RAB40C: variants seen among roughly 807,000 people sequenced by gnomAD.
RAB40C encodes the protein RAB40C, member RAS oncogene family.
In RAB40C, 8 loss-of-function variants were observed where a neutral mutation model predicts 28.1. That is an observed-to-expected ratio of 0.28 (90% CI 0.17 to 0.51). The LOEUF is 0.51. RAB40C is among the 20% of genes least tolerant of loss of function. RAB40C has a pLI of 0.97. For synonymous variants in RAB40C, 201 were observed against 171.7 expected, an observed-to-expected ratio of 1.17 and a Z score of -1.34; for missense variants, 288 against 405.9, an observed-to-expected ratio of 0.71 and a Z score of 2.50.
At chr16:597,681 G>A (rs967290170) in intron 1 of RAB40C, among the ~76,000 whole-genome samples, 1 of 151,676 alleles carries the variant, frequency 6.6e-6, no homozygotes, top group Non-Finnish European at 1.5e-5. Context: ...AGAGACAGAG[G>A]TTTTGCTGTG....
Position 625,891 on chromosome 16 carries a change from G to A in RAB40C, c.343-8G>A. 6.2e-7 allele frequency: 1 copy of A among 1,609,736 alleles called. No individual in the cohort carries two copies. Among genetic ancestry groups the A allele is most frequent in the Non-Finnish European group, 8.5e-7 (1 of 1,178,116 alleles). ...CGTTTGTGCGTCTGCTGAGTTCTGT[G>A]CCCCCAGCATGCACCCGGAGTCCCC... is the stretch of plus-strand genomic sequence containing the variant. On this transcript the variant is annotated splice_polypyrimidine_tract_variant and splice_region_variant and intron_variant, in intron 4 of 5. Transcript: ENST00000248139.
At chr16:623,492 A>C (rs2036764848) in intron 3 of RAB40C, among the ~76,000 whole-genome samples, 1 of 152,054 alleles carries the variant, frequency 6.6e-6, no homozygotes, top group African/African-American at 2.4e-5. Context: ...TACTAAAAAA[A>C]AATACAAAAA....
At chr16:593,608 G>A (rs1163130372) in intron 1 of RAB40C, among the ~76,000 whole-genome samples, 5 of 152,250 alleles carry the variant, frequency 3.3e-5, no homozygotes, top group Non-Finnish European at 7.3e-5. Context: ...AGACAGGTGT[G>A]TGAGCGTACA....
At chr16:597,793 C>G (rs559372324) in intron 1 of RAB40C, among the ~76,000 whole-genome samples, 1 of 151,904 alleles carries the variant, frequency 6.6e-6, no homozygotes, top group African/African-American at 2.4e-5. Context: ...CCCAGCCCAG[C>G]TCAGCATCTT....
intron 1 of RAB40C, among the ~76,000 whole-genome samples, chr16:598,704 A>G (rs1257691623): frequency 6.6e-6 from 1 of 151,612 alleles, no homozygotes; most frequent in East Asian, 1.9e-4. Context: ...CTGTTGCACT[A>G]CGTTCCAGCC....
intron 1 of RAB40C, 140 bp from the exon 2 acceptor site, chr16:617,068 C>A: frequency 1.2e-6 from 1 of 855,938 alleles, no homozygotes; most frequent in Admixed American, 2.1e-5. Context: ...TTTCCCCCTG[C>A]CCCACTGGCT....
chr16:602,446 T>G (rs2036273358), intron 1 of RAB40C, among the ~76,000 whole-genome samples: 1 of 152,034 alleles, frequency 6.6e-6, no homozygotes, highest in Non-Finnish European at 1.5e-5. Context: ...ATTTTTTTAT[T>G]TTTGAGACAA....
In RAB40C at chr16:610,638, G is replaced by C. The variant is rs1287533715; in HGVS notation, c.143-6570G>C. 6.6e-6 allele frequency among the ~76,000 whole-genome samples: 1 copy of C among 152,174 alleles called. No homozygotes were observed. The highest frequency in any genetic ancestry group is 1.5e-5 in the Non-Finnish European group (1 of 68,026). On this transcript the variant is annotated intron_variant, in intron 1 of 5. Transcript: ENST00000248139. This position sits in a 1 kb window ranked among gnomAD's most constrained non-coding sequence, Gnocchi z 4.6. Reference sequence around the variant, plus strand: ...TTATGGGGTAGTGTTGAGCTCTGCAGCCGGAGCCCACTGCCCCTGCCCCTG... The same window carrying C: ...TTATGGGGTAGTGTTGAGCTCTGCACCCGGAGCCCACTGCCCCTGCCCCTG...
chr16:594,156 C>T (rs1366081299), intron 1 of RAB40C, among the ~76,000 whole-genome samples: 2 of 152,216 alleles, frequency 1.3e-5, no homozygotes, highest in African/African-American at 4.8e-5. Flanking sequence ...CCCCACAAAC[C>T]TTCCTGGGAG....
At chr16:603,769 C>G (rs1005398612) in intron 1 of RAB40C, among the ~76,000 whole-genome samples, 1 of 139,596 alleles carries the variant, frequency 7.2e-6, no homozygotes, top group Non-Finnish European at 1.6e-5. Flanking sequence ...CAGGCCCTGC[C>G]GAGTCAGCCC....
At chr16:615,390 T>C (rs955982378) in intron 1 of RAB40C, among the ~76,000 whole-genome samples, 5 of 152,204 alleles carry the variant, frequency 3.3e-5, no homozygotes, top group African/African-American at 4.8e-5. Flanking sequence ...ACAAGCCCAC[T>C]GGGCAGGTGC....
rs200782060 is a variant in RAB40C at position 627,581 on chromosome 16, C to A, written c.805C>A (p.Pro269Thr). 9 of 1,609,740 alleles carry A rather than the reference C, an allele frequency of 5.6e-6. No homozygotes were observed. Among genetic ancestry groups the A allele is most frequent in the East Asian group, 2.2e-5 (1 of 44,852 alleles). The change falls in exon 6 of 6, where the codon CCC (proline) becomes ACC (threonine). Residue 269 changes from proline to threonine, a missense_variant. Physicochemically the swap from Pro to Thr is conservative, Grantham distance 38. Coordinates refer to ENST00000248139, the MANE Select transcript of RAB40C (RefSeq NM_021168.5). Reference protein sequence around the residue: ...RSKSIRPPQSPPQNCSRSNCK... With the variant: ...RSKSIRPPQSTPQNCSRSNCK... Reference sequence around the variant, plus strand: ...CAAGTCCATCCGTCCACCCCAGAGCCCCCCCCAGAACTGCTCGCGGAGTAA... The same window carrying A: ...CAAGTCCATCCGTCCACCCCAGAGCACCCCCCAGAACTGCTCGCGGAGTAA...
chr16:595,684 G>C (rs2036103609), intron 1 of RAB40C, among the ~76,000 whole-genome samples: 1 of 150,172 alleles, frequency 6.7e-6, no homozygotes, highest in Admixed American at 6.6e-5. Flanking sequence ...CTCACTGCAA[G>C]CTCCACCTCC....
intron 3 of RAB40C, among the ~76,000 whole-genome samples, chr16:618,920 CTG>C (rs1477085454): frequency 1.4e-5 from 1 of 71,698 alleles, no homozygotes; most frequent in East Asian, 5.7e-4. Flanking sequence ...GTACTTGGAG[CTG>C]TGTGTGTGCA....
intron 1 of RAB40C, among the ~76,000 whole-genome samples, chr16:594,369 G>A (rs1227228093): frequency 6.6e-6 from 1 of 152,160 alleles, no homozygotes; most frequent in Admixed American, 6.5e-5. Context: ...TGGACATGGC[G>A]AGGCTAACAT....
rs774680458 is a variant in RAB40C at position 625,993 on chromosome 16, A to G, written c.437A>G (p.Glu146Gly). The G allele has an allele frequency of 6.2e-7, 1 of 1,613,304 alleles. No homozygotes were observed. The highest frequency in any genetic ancestry group is 8.5e-7 in the Non-Finnish European group (1 of 1,180,000). ...ACGGAGCAGGCCCGCGCGTACGCAGAGAAGAACTGCATGACCTTCTTTGAG... is the reference window on the plus strand; with the variant it reads ...ACGGAGCAGGCCCGCGCGTACGCAGGGAAGAACTGCATGACCTTCTTTGAG... ...VPTEQARAYA[E>G]KNCMTFFEVS... The change falls in exon 5 of 6, where the codon GAG becomes GGG. Residue 146 changes from glutamate to glycine, a missense_variant. Glu to Gly is a moderately conservative substitution (Grantham distance 98, BLOSUM62 -2). Around this residue, in one of 3 missense-constraint regions of RAB40C, gnomAD observed 153 missense variants for 262.4 expected, o/e 0.58. Coordinates refer to ENST00000248139, the MANE Select transcript of RAB40C (RefSeq NM_021168.5).
intron 1 of RAB40C, among the ~76,000 whole-genome samples, chr16:605,190 A>C (rs1052823159): frequency 1.3e-5 from 2 of 152,194 alleles, no homozygotes; most frequent in African/African-American, 4.8e-5. Flanking sequence ...GTTCCGCTGC[A>C]CTCCAGCCTG....
At chr16:593,506 G>A (rs1340213808) in intron 1 of RAB40C, among the ~76,000 whole-genome samples, 1 of 152,238 alleles carries the variant, frequency 6.6e-6, no homozygotes, top group Non-Finnish European at 1.5e-5. Flanking sequence ...GGCCCCTTCT[G>A]TGCAAGGCTT....
chr16:601,516 G>A (rs1191376611), intron 1 of RAB40C, among the ~76,000 whole-genome samples: 5 of 152,118 alleles, frequency 3.3e-5, no homozygotes, highest in Admixed American at 1.3e-4. Flanking sequence ...CGCCGCAGCC[G>A]CGTCAGCAGA....
Sources: gnomAD v4.1 joint callset for allele counts (sites outside exome capture counted in the v4.1 genomes callset) on GRCh38, gnomAD v4.1.1 for gene constraint, gnomAD v4.1.1 regional missense constraint, Gnocchi (gnomAD v3.1) non-coding constraint, MANE v1.5 for transcripts, NCBI Gene and HGNC (gene_info 2026-07-23, HGNC 2026-07-21) for gene names.